EYS: variants seen among roughly 807,000 people sequenced by gnomAD.
The protein encoded by EYS is protein eyes shut homolog.
In EYS, 250 loss-of-function variants were observed where a neutral mutation model predicts 282.1. The ratio of observed to expected loss-of-function variants is 0.89; its 90% CI spans 0.80 to 0.98. The LOEUF (loss-of-function observed/expected upper bound fraction) is 0.98, where lower values mean the gene tolerates loss of function less well. EYS is among the 50% of genes least tolerant of loss of function. EYS has a pLI of 0.00. For missense variants in EYS, 4,016 were observed against 3,709.0 expected, an observed-to-expected ratio of 1.08 and a Z score of -2.15; for synonymous variants, 1,355 against 1,282.9, an observed-to-expected ratio of 1.06 and a Z score of -1.20.
At chr6:64,364,080 A>G (rs1448185460) in intron 29 of EYS, among the ~76,000 whole-genome samples, 1 of 151,852 alleles carries the variant, frequency 6.6e-6, no homozygotes, top group East Asian at 1.9e-4. Flanking sequence ...TTCCCTGTAC[A>G]GTTGATTATT....
At chr6:65,257,485 A>G (rs1031388248) in intron 12 of EYS, among the ~76,000 whole-genome samples, 4 of 142,902 alleles carry the variant, frequency 2.8e-5, no homozygotes, top group East Asian at 2.0e-4. Context: ...AGCTTTCTAC[A>G]TATGGCTAGC....
chr6:65,034,597 A>G (rs116088854), intron 13 of EYS, among the ~76,000 whole-genome samples: 2 of 152,218 alleles, frequency 1.3e-5, no homozygotes, highest in East Asian at 3.9e-4. Context: ...TGCTTTTGCC[A>G]TGTGATATCC....
chr6:65,087,542 C>T (rs75473511), intron 12 of EYS, among the ~76,000 whole-genome samples: 1 of 151,978 alleles, frequency 6.6e-6, no homozygotes, highest in African/African-American at 2.4e-5. Context: ...CCTCTTTCAC[C>T]CACCTCATAT....
intron 36 of EYS, among the ~76,000 whole-genome samples, chr6:63,835,996 G>T (rs1294415962): frequency 2.6e-5 from 4 of 151,986 alleles, no homozygotes; most frequent in African/African-American, 7.2e-5. Flanking sequence ...CATTTGAGTT[G>T]CTCCCATTAT....
intron 22 of EYS, among the ~76,000 whole-genome samples, chr6:64,770,475 A>G (rs1286545125): frequency 6.6e-6 from 1 of 151,966 alleles, no homozygotes; most frequent in East Asian, 1.9e-4. Context: ...ACAATTCCAA[A>G]AGGATTTATC....
At chr6:65,087,903 G>A (rs1239459852) in intron 12 of EYS, among the ~76,000 whole-genome samples, 1 of 152,112 alleles carries the variant, frequency 6.6e-6, no homozygotes, top group Non-Finnish European at 1.5e-5. Context: ...TGGACCAGGT[G>A]GAGGTAACTG....
intron 26 of EYS, among the ~76,000 whole-genome samples, chr6:64,541,472 T>C (rs1764694271): frequency 6.6e-6 from 1 of 152,220 alleles, no homozygotes; most frequent in Admixed American, 6.5e-5. Flanking sequence ...CTCCAAACTG[T>C]ATGCCACCAC....
chr6:65,331,220 A>C, intron 11 of EYS: 1 of 719,598 alleles, frequency 1.4e-6, no homozygotes, highest in Non-Finnish European at 1.7e-6. Context: ...AAATGTGTGA[A>C]TTAATTTGGG....
chr6:65,472,439 GTTTGT>G (rs1765249307), intron 5 of EYS, among the ~76,000 whole-genome samples: 1 of 152,018 alleles, frequency 6.6e-6, no homozygotes. Flanking sequence ...TTATGGAAAA[GTTTGT>G]GGAACAAATT....
At chr6:64,121,319 C>T (rs546099511) in intron 31 of EYS, among the ~76,000 whole-genome samples, 118 of 152,284 alleles carry the variant, frequency 7.7e-4, no homozygotes, top group Admixed American at 2.6e-3. Context: ...ACAGGAGTTC[C>T]AGGGAGCAGA....
chr6:64,912,370 T>A (rs750712944), intron 16 of EYS, 114 bp downstream of exon 16: 1 of 836,010 alleles, frequency 1.2e-6, no homozygotes. Flanking sequence ...CTACCCACAA[T>A]GTACATAGGA....
chr6:65,621,880 A>G (rs971159987), intron 2 of EYS, among the ~76,000 whole-genome samples: 4 of 152,174 alleles, frequency 2.6e-5, no homozygotes, highest in African/African-American at 9.7e-5. Flanking sequence ...ATAGCATTCA[A>G]TGAAGAGAAG....
chr6:64,886,575 C>T, intron 19 of EYS, 122 bp downstream of exon 19: 1 of 617,432 alleles, frequency 1.6e-6, no homozygotes. Context: ...CAAATTATCT[C>T]TTGACATTTT....
At chr6:64,992,286 C>A (rs1008660076) in intron 14 of EYS, among the ~76,000 whole-genome samples, 1 of 151,690 alleles carries the variant, frequency 6.6e-6, no homozygotes, top group African/African-American at 2.4e-5. Flanking sequence ...GTTTTCATTT[C>A]GTTTTATGAT....
chr6:64,047,812 T>C lies in EYS; in HGVS notation c.6725+18526A>G, dbSNP rs182156373. On this transcript the variant is annotated intron_variant, in intron 33 of 42. Coordinates refer to ENST00000503581, the MANE Select transcript of EYS (RefSeq NM_001142800.2). ...TACTGAATATCGCATTGGTGGGAAC[T>C]ATCATTAAGGTGACCGTCCTCTGGC... is the stretch of plus-strand genomic sequence containing the variant. Among the ~76,000 whole-genome samples, 62 of 152,326 alleles carry C rather than the reference T, an allele frequency of 4.1e-4. 2 individuals are homozygous for C. The highest frequency in any genetic ancestry group is 1.4e-3 in the African/African-American group (57 of 41,578).
chr6:64,079,419 T>C (rs911649402), intron 32 of EYS, among the ~76,000 whole-genome samples: 1 of 152,112 alleles, frequency 6.6e-6, no homozygotes, highest in African/African-American at 2.4e-5. Flanking sequence ...TTTAGGCATT[T>C]TACTCGTAGT....
chr6:64,493,118 G>A (rs1027823800), intron 26 of EYS, among the ~76,000 whole-genome samples: 1 of 151,470 alleles, frequency 6.6e-6, no homozygotes, highest in African/African-American at 2.4e-5. Context: ...AGGAAAAAAA[G>A]TAGGAGAGGC....
At chr6:64,619,221 G>A (rs557173299) in intron 23 of EYS, among the ~76,000 whole-genome samples, 2 of 152,108 alleles carry the variant, frequency 1.3e-5, no homozygotes, top group Non-Finnish European at 2.9e-5. Flanking sequence ...TCTTCTGATC[G>A]AATATTTCAA....
intron 12 of EYS, among the ~76,000 whole-genome samples, chr6:65,171,632 A>G (rs541039287): frequency 6.6e-6 from 1 of 151,564 alleles, no homozygotes; most frequent in South Asian, 2.1e-4. Context: ...AACAGTTCAC[A>G]CCAAGAAAAA....
Sources: allele counts gnomAD v4.1 joint callset (sites outside exome capture counted in the v4.1 genomes callset), GRCh38; gene constraint gnomAD v4.1.1; transcripts MANE v1.5; gene names NCBI Gene and HGNC (gene_info 2026-07-23, HGNC 2026-07-21).